TSNARE1: variants seen among roughly 807,000 people sequenced by gnomAD.
TSNARE1 encodes t-SNARE domain containing 1, also known as t-SNARE domain-containing protein 1.
Under a neutral mutation model 62.0 loss-of-function variants are expected in TSNARE1, and 49 were observed. That is an observed-to-expected ratio of 0.79 (90% confidence interval 0.63 to 1.00). The LOEUF is 1.00. Among genes scored for constraint, TSNARE1 ranks in the 50% least tolerant of loss-of-function variants. The pLI is 0.00. For missense variants in TSNARE1, 755 were observed against 700.1 expected (o/e 1.08, Z -0.88); for synonymous variants, 328 against 294.4 (o/e 1.11, Z -1.17).
intron 13 of TSNARE1, among the ~76,000 whole-genome samples, chr8:142,223,255 TTCAC>T (rs1156968420): frequency 2.5e-5 from 2 of 80,710 alleles, no homozygotes; most frequent in East Asian, 6.5e-4. Context: ...CACTCACTCA[TTCAC>T]TCACTCACTC....
chr8:142,282,522 CGGGGTCAGTGTCTGCCAATGAGCAGAGG>C (rs1563821825), intron 11 of TSNARE1, among the ~76,000 whole-genome samples: 117 of 125,924 alleles, frequency 9.3e-4, no homozygotes, highest in African/African-American at 3.7e-3. Flanking sequence ...CGAGCAGAGG[CGGGGTCAGTGTCTGCCAATGAGCAGAGG>C]CGGGACCAGT....
intron 1 of TSNARE1, among the ~76,000 whole-genome samples, chr8:142,374,222 T>G (rs1836135700): frequency 6.6e-6 from 1 of 151,262 alleles, no homozygotes; most frequent in Admixed American, 6.6e-5. Flanking sequence ...GAGAATCGCT[T>G]GAACCCAGGG....
intron 12 of TSNARE1, chr8:142,271,287 C>A (rs768108090): frequency 2.3e-4 from 241 of 1,070,612 alleles, no homozygotes; most frequent in Non-Finnish European, 2.5e-4. Flanking sequence ...AGGGCCTCCA[C>A]GCCATCGGCC....
intron 10 of TSNARE1, among the ~76,000 whole-genome samples, chr8:142,297,561 G>C (rs1824976048): frequency 6.6e-6 from 1 of 152,214 alleles, no homozygotes; most frequent in Non-Finnish European, 1.5e-5. Context: ...GAGATGAGGG[G>C]ATGAGGGTGC....
At chr8:142,339,277 G>A (rs946266072) in intron 4 of TSNARE1, among the ~76,000 whole-genome samples, 18 of 152,126 alleles carry the variant, frequency 1.2e-4, no homozygotes, top group African/African-American at 3.6e-4. Context: ...GCGAAGAATC[G>A]GATGCGGCTC....
At chr8:142,355,979 G>T (rs1369499900) in intron 1 of TSNARE1, among the ~76,000 whole-genome samples, 1 of 152,200 alleles carries the variant, frequency 6.6e-6, no homozygotes, top group Non-Finnish European at 1.5e-5. Flanking sequence ...GGTTGCTGCG[G>T]ATCGCACCTA....
At chr8:142,378,199 C>T (rs754372370) in intron 1 of TSNARE1, among the ~76,000 whole-genome samples, 9 of 152,210 alleles carry the variant, frequency 5.9e-5, no homozygotes, top group Admixed American at 2.6e-4. Flanking sequence ...TGTCCACACA[C>T]GGGAACACCG....
chr8:142,298,543 G>A (rs1296591581), intron 10 of TSNARE1, among the ~76,000 whole-genome samples: 1 of 152,158 alleles, frequency 6.6e-6, no homozygotes, highest in Non-Finnish European at 1.5e-5. Flanking sequence ...CTGAGTGAGC[G>A]CCAGGAGGCT....
chr8:142,397,246 C>T (rs778153164), intron 1 of TSNARE1, among the ~76,000 whole-genome samples: 89 of 150,404 alleles, frequency 5.9e-4, no homozygotes, highest in Middle Eastern at 3.5e-3. Context: ...GGCGAGGCAG[C>T]CCGAGGGTCT....
In TSNARE1 at chr8:142,314,955, C is replaced by T. The variant is rs143079974; in HGVS notation, c.1074+48G>A. The T allele has an allele frequency of 1.3e-4, 206 of 1,589,668 alleles. 5 individuals carry two copies. The African/African-American group carries it at 1.8e-3, about 14-fold the overall frequency. Reference sequence around the variant, plus strand: ...ATGACAGTGCTCCGGGAACCGAGGCCGACCCCACCTGGCCTGCAGACCCCC... The same window carrying T: ...ATGACAGTGCTCCGGGAACCGAGGCTGACCCCACCTGGCCTGCAGACCCCC... On this transcript the variant is annotated intron_variant, in intron 8 of 13. Transcript: ENST00000524325.
At chr8:142,380,377 G>A (rs575667765) in intron 1 of TSNARE1, among the ~76,000 whole-genome samples, 5 of 152,300 alleles carry the variant, frequency 3.3e-5, no homozygotes, top group African/African-American at 1.2e-4. Context: ...GGACGCAGCT[G>A]GGACACTCAC....
chr8:142,294,227 C>T (rs1292842431), intron 10 of TSNARE1, among the ~76,000 whole-genome samples: 2 of 151,994 alleles, frequency 1.3e-5, no homozygotes, highest in East Asian at 1.9e-4. Context: ...CAAGAGGGTG[C>T]CCAGGGCCCC....
intron 13 of TSNARE1, among the ~76,000 whole-genome samples, chr8:142,218,635 G>T (rs3935729): frequency 0.43 from 65,440 of 152,046 alleles, 14,418 homozygotes; most frequent in African/African-American, 0.53. Flanking sequence ...GACTGCCTGA[G>T]GCCAGACCCA....
intron 5 of TSNARE1, among the ~76,000 whole-genome samples, chr8:142,331,501 C>T (rs938551265): frequency 4.6e-5 from 7 of 152,306 alleles, no homozygotes; most frequent in East Asian, 3.9e-4. Flanking sequence ...CCAGCGGGAG[C>T]GGTACCCGGC....
intron 1 of TSNARE1, among the ~76,000 whole-genome samples, chr8:142,390,317 A>G (rs2131348073): frequency 6.6e-6 from 1 of 150,452 alleles, no homozygotes; most frequent in African/African-American, 2.5e-5. Flanking sequence ...CAGACGCTGT[A>G]CACTGCGGGG....
At chr8:142,388,162 T>C (rs560193632) in intron 1 of TSNARE1, among the ~76,000 whole-genome samples, 2 of 152,228 alleles carry the variant, frequency 1.3e-5, no homozygotes, top group South Asian at 4.1e-4. Flanking sequence ...AATCATATGA[T>C]CACCCCATAG....
At chr8:142,217,363 G>GA (rs1263451478) in intron 13 of TSNARE1, among the ~76,000 whole-genome samples, 4 of 131,122 alleles carry the variant, frequency 3.1e-5, no homozygotes, top group African/African-American at 1.1e-4. Context: ...AAGAAAGAAA[G>GA]AAAGAAAGAA....
At chr8:142,264,534 T>C (rs1025910602) in intron 12 of TSNARE1, among the ~76,000 whole-genome samples, 10 of 152,232 alleles carry the variant, frequency 6.6e-5, no homozygotes, top group Admixed American at 1.3e-4. Flanking sequence ...GCTGTCCTGA[T>C]AGATTCATTG....
intron 1 of TSNARE1, among the ~76,000 whole-genome samples, chr8:142,402,180 G>C (rs1270862445): frequency 6.6e-6 from 1 of 152,166 alleles, no homozygotes; most frequent in Non-Finnish European, 1.5e-5. Context: ...GGTGTGGCTG[G>C]AAAGGCACCT....
Sources: allele counts gnomAD v4.1 joint callset (sites outside exome capture counted in the v4.1 genomes callset), GRCh38; gene constraint gnomAD v4.1.1; transcripts MANE v1.5; gene names NCBI Gene and HGNC (gene_info 2026-07-23, HGNC 2026-07-21).